Variants in GTF2B observed in about 807,000 individuals in gnomAD.
GTF2B encodes the protein general transcription factor IIB, also known as transcription initiation factor IIB.
A neutral mutation model predicts 34.6 loss-of-function variants in GTF2B; 20 were observed. The observed-to-expected ratio is 0.58, with a 90% CI of 0.41 to 0.84. The LOEUF (loss-of-function observed/expected upper bound fraction) is 0.84. GTF2B is among the 40% of genes least tolerant of loss of function. The pLI is 0.00. For missense variants in GTF2B, 237 were observed against 393.3 expected (o/e 0.60, Z 3.36); for synonymous variants, 142 against 132.4 (o/e 1.07, Z -0.50).
chr1:88,876,851 C>T (rs563803054), intron 2 of GTF2B, among the ~76,000 whole-genome samples: 64 of 152,238 alleles, frequency 4.2e-4, no homozygotes, highest in Non-Finnish European at 5.7e-4. Flanking sequence ...AAGTATGTAA[C>T]TATAGTTACA....
chr1:88,856,884 C>G (rs1464083557), intron 6 of GTF2B, among the ~76,000 whole-genome samples: 1 of 151,272 alleles, frequency 6.6e-6, no homozygotes, highest in African/African-American at 2.4e-5. Context: ...TTGCTGTAAC[C>G]TCCACCTCCC....
chr1:88,887,168 C>G, intron 2 of GTF2B, 93 bp downstream of exon 2: 1 of 741,094 alleles, frequency 1.3e-6, no homozygotes. Flanking sequence ...ATCCTCCCAC[C>G]TTGGCCTCCC....
At chr1:88,888,017 C>T (rs887947466) in intron 1 of GTF2B, 8 of 152,206 alleles carry the variant, frequency 5.3e-5, no homozygotes, top group Non-Finnish European at 1.2e-4. Flanking sequence ...GCAGAAGACA[C>T]ATTCATCTTT....
intron 2 of GTF2B, among the ~76,000 whole-genome samples, chr1:88,881,244 T>C (rs1262538308): frequency 1.3e-5 from 2 of 151,612 alleles, no homozygotes; most frequent in Non-Finnish European, 2.9e-5. Flanking sequence ...ACAATACCAC[T>C]GTACAGGTTT....
At chr1:88,873,416 G>C (rs1401707320) in intron 2 of GTF2B, among the ~76,000 whole-genome samples, 1 of 151,872 alleles carries the variant, frequency 6.6e-6, no homozygotes, top group Admixed American at 6.6e-5. Context: ...GGTCAGGCTG[G>C]TCTCAAACTC....
At chr1:88,867,138 A>G (rs1342609896) in intron 2 of GTF2B, among the ~76,000 whole-genome samples, 3 of 152,202 alleles carry the variant, frequency 2.0e-5, no homozygotes, top group African/African-American at 2.4e-5. Context: ...AGATCACACT[A>G]AAGAGATCAA....
rs1453423099 is a variant in GTF2B at position 88,857,447 on chromosome 1, A to T, written c.576T>A (p.Gly192=). 5.6e-6 allele frequency: 9 copies of T among 1,603,886 alleles called. No individual in the cohort carries two copies. The highest frequency in any genetic ancestry group is 6.8e-6 in the Non-Finnish European group (8 of 1,171,602). The change falls in exon 6 of 7, where the codon GGT becomes GGA. Residue 192 remains glycine, a synonymous_variant. Transcript: ENST00000370500. The part of the protein sequence containing the change: ...AVSRISKKEI[G]RCFKLILKAL... ...CTTTCAAAATAAGTTTAAAACACCG[A>T]CCAATTTCTTTCTTAGAAATTCGTG...
intron 2 of GTF2B, among the ~76,000 whole-genome samples, chr1:88,883,022 G>A (rs546928937): frequency 8.0e-4 from 122 of 152,248 alleles, no homozygotes; most frequent in African/African-American, 2.7e-3. Context: ...AAATCTATGT[G>A]GTAATGAACA....
Position 88,853,418 on chromosome 1 carries a change from T to C in GTF2B, c.818-72A>G. ...CCTTTCCACTACCTGCATTGTAATT[T>C]GTGAGATATGATAGTATAAAGTGCC... On this transcript the variant is annotated intron_variant, in intron 6 of 6. Coordinates refer to ENST00000370500, the MANE Select transcript of GTF2B (RefSeq NM_001514.6). 19 of 1,363,720 alleles carry C rather than the reference T, an allele frequency of 1.4e-5. No homozygotes were observed. The South Asian group carries it at 2.2e-4, about 16-fold the overall frequency. 84.5% of individuals were successfully genotyped at this position (1,363,720 alleles called of 1,614,324 possible).
chr1:88,882,119 G>A (rs1178144906), intron 2 of GTF2B, among the ~76,000 whole-genome samples: 1 of 151,958 alleles, frequency 6.6e-6, no homozygotes, highest in Non-Finnish European at 1.5e-5. Context: ...AAACTAGCCT[G>A]GACAACGTGG....
At chr1:88,859,853 A>C (rs1057077641) in intron 5 of GTF2B, 29 bp downstream of exon 5, 4 of 1,600,754 alleles carry the variant, frequency 2.5e-6, no homozygotes, top group African/African-American at 2.7e-5. Context: ...CAAACAAACA[A>C]ACACAAAAAA....
intron 2 of GTF2B, among the ~76,000 whole-genome samples, chr1:88,885,078 G>A (rs1041664082): frequency 1.3e-5 from 2 of 152,220 alleles, no homozygotes; most frequent in African/African-American, 2.4e-5. Flanking sequence ...AAGCTCTGCT[G>A]TTGTAATGTG....
At chr1:88,865,616 G>A (rs540189494) in intron 2 of GTF2B, among the ~76,000 whole-genome samples, 24 of 152,260 alleles carry the variant, frequency 1.6e-4, no homozygotes, top group Admixed American at 1.1e-3. Context: ...AGCACTTTGC[G>A]AGGTCCAGGC....
Position 88,887,341 on chromosome 1 carries a change from C to T in GTF2B, c.44G>A (p.Cys15Tyr). ...TAAAATCGCATCTGGATGGTTTGGA[C>T]ATGTGACTCTTGGAAGAGCATCCAA... is the stretch of plus-strand genomic sequence containing the variant. ...SRLDALPRVT[C>Y]PNHPDAILVE... Residue 15 changes from cysteine (C) to tyrosine (Y), a missense_variant, in exon 2 of 7, where the codon TGT (cysteine) becomes TAT (tyrosine). By Grantham distance (194) the Cys-to-Tyr change is radical. Coordinates refer to ENST00000370500, the MANE Select transcript of GTF2B (RefSeq NM_001514.6). 1 of 1,610,312 alleles carries T rather than the reference C, an allele frequency of 6.2e-7. No individual in the cohort carries two copies. The highest frequency in any genetic ancestry group is 8.5e-7 in the Non-Finnish European group (1 of 1,176,554).
intron 2 of GTF2B, among the ~76,000 whole-genome samples, chr1:88,869,326 C>A (rs1324186465): frequency 6.6e-6 from 1 of 152,154 alleles, no homozygotes; most frequent in Non-Finnish European, 1.5e-5. Flanking sequence ...CAGTCCCCCA[C>A]AGATACTGAG....
intron 6 of GTF2B, among the ~76,000 whole-genome samples, chr1:88,856,725 A>T (rs1219683025): frequency 2.0e-5 from 3 of 151,740 alleles, no homozygotes; most frequent in Non-Finnish European, 2.9e-5. Flanking sequence ...GTCTCTGAAC[A>T]TTTTTTTTAT....
chr1:88,885,318 T>TAC (rs894107190), intron 2 of GTF2B, among the ~76,000 whole-genome samples: 1 of 151,906 alleles, frequency 6.6e-6, no homozygotes, highest in Non-Finnish European at 1.5e-5. Context: ...TGGGCCCCTG[T>TAC]AATCCCAGCT....
At chr1:88,869,792 A>G (rs1187193966) in intron 2 of GTF2B, among the ~76,000 whole-genome samples, 1 of 151,996 alleles carries the variant, frequency 6.6e-6, no homozygotes, top group Non-Finnish European at 1.5e-5. Flanking sequence ...ACGTCTGACT[A>G]ATTTTTGTAT....
rs1471555819 is a variant in GTF2B at position 88,864,032 on chromosome 1, A to G, written c.207T>C (p.Asp69=). The change falls in exon 3 of 7, where the codon GAT becomes GAC. Residue 69 remains aspartate, a synonymous_variant. Coordinates refer to ENST00000370500, the MANE Select transcript of GTF2B (RefSeq NM_001514.6). ...CATCACTCAGAAGAGGATTCTGAGA[A>G]TCTCCAACTCGAGATGGATCTTTTG... The part of the protein sequence containing the change: ...KATKDPSRVG[D]SQNPLLSDGD... The G allele has an allele frequency of 6.2e-6, 10 of 1,613,138 alleles. No homozygotes were observed. Among genetic ancestry groups the G allele is most frequent in the Non-Finnish European group, 8.5e-6 (10 of 1,179,188 alleles).
Sources: gnomAD v4.1 joint callset for allele counts (sites outside exome capture counted in the v4.1 genomes callset) on GRCh38, gnomAD v4.1.1 for gene constraint, MANE v1.5 for transcripts, NCBI Gene and HGNC (gene_info 2026-07-23, HGNC 2026-07-21) for gene names.